PABPC4: variants seen among roughly 807,000 people sequenced by gnomAD.
PABPC4 encodes the protein polyadenylate-binding protein 4.
A neutral mutation model predicts 74.5 loss-of-function variants in PABPC4; 15 were observed. The ratio of observed to expected loss-of-function variants is 0.20; its 90% CI spans 0.13 to 0.31. PABPC4 has a LOEUF of 0.31. Among genes scored for constraint, PABPC4 ranks in the 10% least tolerant of loss-of-function variants. The pLI is 1.00. For synonymous variants in PABPC4, 345 were observed against 303.0 expected (o/e 1.14, Z -1.44); for missense variants, 610 against 853.5 (o/e 0.71, Z 3.55).
At chr1:39,568,607 C>G (rs563142444) in intron 6 of PABPC4, 195 bp downstream of exon 6, 1 of 484,616 alleles carries the variant, frequency 2.1e-6, no homozygotes, top group Non-Finnish European at 3.6e-6. Flanking sequence ...ATGAATAAAC[C>G]CATCTCTTGT....
Position 39,562,090 on chromosome 1 carries a change from C to T in PABPC4, c.1876G>A (p.Glu626Lys), listed in dbSNP as rs767132357. The T allele has an allele frequency of 4.3e-6, 7 of 1,612,984 alleles. No homozygotes were observed. Among genetic ancestry groups the T allele is most frequent in the South Asian group, 1.1e-5 (1 of 91,034 alleles). Residue 626 changes from glutamate to lysine, a missense_variant, in exon 14 of 16, where the codon GAG becomes AAG. By Grantham distance (56) the Glu-to-Lys change is moderately conservative. Transcript: ENST00000372858. The stretch of plus-strand genomic sequence containing the variant: ...CAGCTCACCTTGGAGCGGAGAGACT[C>T]GGGGGACTCTAACATGTGCAGCAGC... ...SELLHMLESPESLRSKVDEAV... is the reference protein window; with the variant it reads ...SELLHMLESPKSLRSKVDEAV...
chr1:39,575,702 G>T, intron 1 of PABPC4, 57 bp downstream of exon 1: 2 of 1,381,224 alleles, frequency 1.4e-6, no homozygotes, highest in Admixed American at 2.4e-5. Flanking sequence ...CCTGCCAGAA[G>T]ACGACTCCCG....
chr1:39,565,252 G>A lies in PABPC4; in HGVS notation c.1099C>T (p.Leu367=). 1 of 1,614,230 alleles carries A rather than the reference G, an allele frequency of 6.2e-7. No individual in the cohort carries two copies. Among genetic ancestry groups the A allele is most frequent in the African/African-American group, 1.3e-5 (1 of 75,070 alleles). The part of the protein sequence containing the change: ...IVGSKPLYVA[L]AQRKEERKAH... ...TTTCTCTCTTCCTTCCTCTGGGCCAGGGCAACATATAGTGGCTTGGAGCCC... is the reference window on the plus strand; with the variant it reads ...TTTCTCTCTTCCTTCCTCTGGGCCAAGGCAACATATAGTGGCTTGGAGCCC... Residue 367 remains leucine, a synonymous_variant, in exon 8 of 16, where the codon CTG becomes TTG. Coordinates refer to ENST00000372858, the MANE Select transcript of PABPC4 (RefSeq NM_001135653.2).
At chr1:39,575,418 C>T (rs1033433394) in intron 1 of PABPC4, among the ~76,000 whole-genome samples, 4 of 152,174 alleles carry the variant, frequency 2.6e-5, no homozygotes, top group Non-Finnish European at 5.9e-5. Context: ...GGGGCACAAG[C>T]AAGGATCTCT....
chr1:39,574,869 C>CAT (rs1645994580), intron 1 of PABPC4, among the ~76,000 whole-genome samples: 1 of 152,268 alleles, frequency 6.6e-6, no homozygotes, highest in Admixed American at 6.5e-5. Context: ...ACGCCTGCAG[C>CAT]ATACCTCTCT....
intron 8 of PABPC4, 31 bp downstream of exon 8, chr1:39,565,075 C>G: frequency 6.2e-7 from 1 of 1,609,478 alleles, no homozygotes; most frequent in Non-Finnish European, 8.5e-7. Context: ...CCGGCAGGTT[C>G]CCAAGAGCTG....
At chr1:39,562,247 A>G (rs1162755821) in intron 13 of PABPC4, 44 bp from the exon 14 acceptor site, 4 of 1,612,892 alleles carry the variant, frequency 2.5e-6, no homozygotes, top group East Asian at 4.5e-5. Flanking sequence ...AAATCCCAGT[A>G]AACAATGGAC....
chr1:39,568,912 T>C lies in PABPC4; in HGVS notation c.766A>G (p.Ile256Val). ...KAVEEMNGKE[I>V]SGKIIFVGRA... ...CCTACAAATATGATTTTACCACTTA[T>C]TTCTTTTCCATTCATCTCTTCCACA... is the stretch of plus-strand genomic sequence containing the variant. The change falls in exon 6 of 16, where the codon ATA (isoleucine) becomes GTA (valine). Residue 256 changes from isoleucine (I) to valine (V), a missense_variant. By Grantham distance (29) the Ile-to-Val change is conservative (BLOSUM62 3). Transcript: ENST00000372858. 1 of 1,613,954 alleles carries C rather than the reference T, an allele frequency of 6.2e-7. No homozygotes were observed. Among genetic ancestry groups the C allele is most frequent in the Non-Finnish European group, 8.5e-7 (1 of 1,179,962 alleles).
At position 39,576,770 on chromosome 1, in the gene PABPC4, A is replaced by T. The variant is rs941632568; in HGVS notation, c.-819T>A. ...GAAGCCCGAAAGCGGCGGAGGCGGC[A>T]GCGACCCGGGGCGGAGAGAGGCGGC... On this transcript the variant is annotated 5_prime_UTR_variant, in exon 1 of 16. Transcript: ENST00000372858. 8.2e-5 allele frequency: 12 copies of T among 146,636 alleles called. No individual in the cohort carries two copies. The highest frequency in any genetic ancestry group is 3.0e-4 in the African/African-American group (12 of 40,146). 9.1% of individuals were successfully genotyped at this position (146,636 alleles called of 1,614,324 possible). A position where few individuals can be genotyped will look rare whatever the true frequency, so the allele number is the denominator to read the frequency against.
chr1:39,574,536 A>G (rs1278767174), intron 1 of PABPC4, among the ~76,000 whole-genome samples: 2 of 152,232 alleles, frequency 1.3e-5, no homozygotes. Context: ...AATGTGGTAC[A>G]TTATCCCTTA....
chr1:39,563,546 C>G, intron 12 of PABPC4, 68 bp downstream of exon 12: 1 of 1,563,244 alleles, frequency 6.4e-7, no homozygotes, highest in Non-Finnish European at 8.7e-7. Flanking sequence ...GAATCAAAAG[C>G]ACAGCTTCTT....
chr1:39,565,402 A>C, intron 7 of PABPC4, 24 bp from the exon 8 acceptor site: 2 of 1,596,418 alleles, frequency 1.3e-6, no homozygotes, highest in Non-Finnish European at 1.7e-6. Context: ...CCAGCTACTT[A>C]AGAAATAAGG....
chr1:39,564,955 T>G (rs2124444144), intron 8 of PABPC4, 151 bp downstream of exon 8: 1 of 940,968 alleles, frequency 1.1e-6, no homozygotes, highest in Admixed American at 2.4e-5. Context: ...GGGTGTGTGT[T>G]TGTGACCATG....
chr1:39,574,917 A>T (rs1645995256), intron 1 of PABPC4, among the ~76,000 whole-genome samples: 1 of 152,242 alleles, frequency 6.6e-6, no homozygotes, highest in African/African-American at 2.4e-5. Flanking sequence ...GAGGTGGCAG[A>T]GCACTGTGCT....
Position 39,575,855 on chromosome 1 carries a change from G to A in PABPC4, c.97C>T (p.Pro33Ser). ...CGGATGGACAGCACAGGCCCCGCGG[G>A]GCTGAACTTTTCGTACAGCATGGCC... ...TEAMLYEKFS[P>S]AGPVLSIRVC... The change falls in exon 1 of 16, where the codon CCC becomes TCC. Residue 33 changes from proline (P) to serine (S), a missense_variant. Physicochemically the swap from Pro to Ser is moderately conservative, Grantham distance 74. This residue lies in a region of PABPC4 where 304 missense variants were observed against 478.9 expected (regional missense o/e 0.63). Transcript: ENST00000372858. 6.2e-7 allele frequency: 1 copy of A among 1,612,676 alleles called. No individual in the cohort carries two copies. Among genetic ancestry groups the A allele is most frequent in the Non-Finnish European group, 8.5e-7 (1 of 1,179,718 alleles).
intron 1 of PABPC4, among the ~76,000 whole-genome samples, chr1:39,574,154 C>T (rs994727581): frequency 4.6e-5 from 7 of 152,186 alleles, no homozygotes; most frequent in African/African-American, 1.4e-4. Flanking sequence ...CTTTCCCCAC[C>T]CCCTTCAGAA....
intron 10 of PABPC4, 65 bp from the exon 11 acceptor site, chr1:39,563,987 G>T: frequency 6.8e-7 from 1 of 1,481,290 alleles, no homozygotes; most frequent in Non-Finnish European, 9.4e-7. Flanking sequence ...ACGTCCCACG[G>T]AAGGAGAAAT....
rs149082721 is a variant in PABPC4, at chr1:39,565,235, T to A, written c.1116A>T (p.Glu372Asp). Residue 372 changes from glutamate (E) to aspartate (D), a missense_variant, in exon 8 of 16, where the codon GAA becomes GAT. Physicochemically the swap from Glu to Asp is conservative, Grantham distance 45. This residue lies in a region of PABPC4 where 304 missense variants were observed against 478.9 expected (regional missense o/e 0.63). Transcript: ENST00000372858. ...PLYVALAQRK[E>D]ERKAHLTNQY... is the part of the protein sequence containing the mutation. The stretch of plus-strand genomic sequence containing the variant: ...GGTTGGTCAGGTGAGCCTTTCTCTC[T>A]TCCTTCCTCTGGGCCAGGGCAACAT... 5.6e-6 allele frequency: 9 copies of A among 1,614,230 alleles called. No individual in the cohort carries two copies. The highest frequency in any genetic ancestry group is 7.6e-6 in the Non-Finnish European group (9 of 1,180,040).
chr1:39,566,878 C>T (rs1030795307), intron 7 of PABPC4, among the ~76,000 whole-genome samples: 1 of 152,158 alleles, frequency 6.6e-6, no homozygotes, highest in African/African-American at 2.4e-5. Context: ...CCACAGTTGG[C>T]CTCTGGCCAA....
Sources: gnomAD v4.1 joint callset for allele counts (sites outside exome capture counted in the v4.1 genomes callset) on GRCh38, gnomAD v4.1.1 for gene constraint, gnomAD v4.1.1 regional missense constraint, MANE v1.5 for transcripts, NCBI Gene and HGNC (gene_info 2026-07-23, HGNC 2026-07-21) for gene names.